TRRAP: variants seen among roughly 807,000 people sequenced by gnomAD.
TRRAP encodes transformation/transcription domain-associated protein.
Under a neutral mutation model 438.8 loss-of-function variants are expected in TRRAP, and 41 were observed. The observed-to-expected ratio is 0.09, with a 90% confidence interval of 0.07 to 0.12. The LOEUF (loss-of-function observed/expected upper bound fraction) is 0.12, where lower values mean the gene tolerates loss of function less well. TRRAP is among the 10% of genes least tolerant of loss of function. The pLI, the probability that TRRAP is intolerant of heterozygous loss-of-function variation, is 1.00. For synonymous variants in TRRAP, 1,994 were observed against 1,962.9 expected, an observed-to-expected ratio of 1.02 and a Z score of -0.42; for missense variants, 3,122 against 5,055.1, an observed-to-expected ratio of 0.62 and a Z score of 11.60.
chr7:98,985,870 C>A (rs1180890089), intron 62 of TRRAP, among the ~76,000 whole-genome samples: 1 of 152,202 alleles, frequency 6.6e-6, no homozygotes, highest in East Asian at 1.9e-4. Context: ...TGTTACACAA[C>A]CATTACCACT....
chr7:98,884,089 A>G (rs917236900), intron 3 of TRRAP, among the ~76,000 whole-genome samples: 1 of 152,148 alleles, frequency 6.6e-6, no homozygotes, highest in African/African-American at 2.4e-5. Flanking sequence ...GGTCTAGAAT[A>G]GGCCTTATTC....
intron 47 of TRRAP, among the ~76,000 whole-genome samples, chr7:98,964,251 A>T (rs1792054088): frequency 6.6e-6 from 1 of 152,176 alleles, no homozygotes; most frequent in Non-Finnish European, 1.5e-5. Flanking sequence ...ATTCAAAGAT[A>T]TTTGGCATGT....
chr7:98,950,206 T>G lies in TRRAP; in HGVS notation c.5278T>G (p.Phe1760Val). 2 of 1,614,254 alleles carry G rather than the reference T, an allele frequency of 1.2e-6. No homozygotes were observed. The highest frequency in any genetic ancestry group is 1.7e-6 in the Non-Finnish European group (2 of 1,180,044). The change falls in exon 38 of 73, where the codon TTC becomes GTC. Residue 1760 changes from phenylalanine (F) to valine (V), a missense_variant. Physicochemically the swap from Phe to Val is conservative, Grantham distance 50. Transcript: ENST00000456197. ...CAGCATCGCTCAGAAACGTGCCCTG[T>G]TCTTTCGCTTTGTAGACTTCAACGA... ...NYSIAQKRALFFRFVDFNDPN... is the reference protein window; with the variant it reads ...NYSIAQKRALVFRFVDFNDPN...
intron 70 of TRRAP, 64 bp from the exon 71 acceptor site, chr7:99,010,988 A>G (rs935338942): frequency 6.6e-7 from 1 of 1,512,930 alleles, no homozygotes; most frequent in African/African-American, 1.4e-5. Context: ...GCAATTTGAG[A>G]ATTTTTCTTT....
intron 30 of TRRAP, 130 bp downstream of exon 30, chr7:98,937,950 G>A (rs1254339193): frequency 6.7e-6 from 7 of 1,045,308 alleles, no homozygotes; most frequent in Non-Finnish European, 7.7e-6. Context: ...CGAGGTGGGT[G>A]GATCGCTTGC....
chr7:98,949,405 T>C lies in TRRAP; in HGVS notation c.4789-12T>C. ...TAGCTTAAAACGGCTTTTCTATTTGTTTTGCTTTCAGAGTTTTTTAAAACA... is the reference window on the plus strand; with the variant it reads ...TAGCTTAAAACGGCTTTTCTATTTGCTTTGCTTTCAGAGTTTTTTAAAACA... On this transcript the variant is annotated splice_polypyrimidine_tract_variant and intron_variant, in intron 35 of 72. Transcript: ENST00000456197. 1 of 1,518,544 alleles carries C rather than the reference T, an allele frequency of 6.6e-7. No individual in the cohort carries two copies. Among genetic ancestry groups the C allele is most frequent in the East Asian group, 2.3e-5 (1 of 42,658 alleles). 94.1% of individuals were successfully genotyped at this position (1,518,544 alleles called of 1,614,324 possible).
chr7:98,959,949 A>AG (rs1233193868), intron 45 of TRRAP, among the ~76,000 whole-genome samples: 4 of 149,912 alleles, frequency 2.7e-5, no homozygotes, highest in Admixed American at 6.7e-5. Context: ...AAAAAAAAAA[A>AG]AAAAAGAAAA....
chr7:98,947,600 C>T (rs1363999096), intron 33 of TRRAP, among the ~76,000 whole-genome samples: 1 of 152,160 alleles, frequency 6.6e-6, no homozygotes, highest in African/African-American at 2.4e-5. Context: ...GGACTACAGG[C>T]GCCCGCCACC....
At chr7:98,990,262 A>G (rs1211185423) in intron 63 of TRRAP, among the ~76,000 whole-genome samples, 193 bp from the exon 64 acceptor site, 2 of 152,194 alleles carry the variant, frequency 1.3e-5, no homozygotes, top group East Asian at 1.9e-4. Flanking sequence ...GAGAAAATCT[A>G]TTTTTAAATT....
At chr7:98,987,648 T>C (rs894640229) in intron 62 of TRRAP, among the ~76,000 whole-genome samples, 2 of 152,220 alleles carry the variant, frequency 1.3e-5, no homozygotes, top group African/African-American at 4.8e-5. Flanking sequence ...ACTGACATCT[T>C]CTCTTCCAAT....
At chr7:98,944,256 CTCAG>C (rs1186030984) in intron 31 of TRRAP, among the ~76,000 whole-genome samples, 16 of 151,912 alleles carry the variant, frequency 1.1e-4, no homozygotes, top group South Asian at 4.2e-4. Context: ...TTTTCTGGAA[CTCAG>C]TCAGTTCTAG....
At chr7:98,954,273 A>G (rs1223011056) in intron 40 of TRRAP, among the ~76,000 whole-genome samples, 1 of 152,246 alleles carries the variant, frequency 6.6e-6, no homozygotes, top group Non-Finnish European at 1.5e-5. Context: ...TCTTCCGCTC[A>G]CACGGTCCAT....
Position 98,882,029 on chromosome 7 carries a change from G to A in TRRAP, c.150+5G>A. The A allele has an allele frequency of 6.2e-7, 1 of 1,609,172 alleles. No homozygotes were observed. Among genetic ancestry groups the A allele is most frequent in the Non-Finnish European group, 8.5e-7 (1 of 1,178,448 alleles). On this transcript the variant is annotated splice_donor_5th_base_variant and intron_variant, in intron 3 of 72. Transcript: ENST00000456197. ...GAAGTTAGTGAAAATTTTGAGGTATGAGCATTATATTTTCTATTTTTCATT... is the reference window on the plus strand; with the variant it reads ...GAAGTTAGTGAAAATTTTGAGGTATAAGCATTATATTTTCTATTTTTCATT...
chr7:98,994,232 G>T lies in TRRAP; in HGVS notation c.10048-355G>T, dbSNP rs1302924209. Among the ~76,000 whole-genome samples the T allele has an allele frequency of 6.6e-6, 1 of 152,206 alleles. No individual in the cohort carries two copies. The highest frequency in any genetic ancestry group is 1.5e-5 in the Non-Finnish European group (1 of 68,030). ...GCTCCTTACTGCTGTGAAGTCTCGT[G>T]TGTGCACAGTGCACGCAGACACGCG... On this transcript the variant is annotated intron_variant, in intron 66 of 72. Transcript: ENST00000456197. This position sits in a 1 kb window ranked among gnomAD's most constrained non-coding sequence, Gnocchi z 4.8.
chr7:98,937,645 A>G lies in TRRAP; in HGVS notation c.4234-5A>G. The stretch of plus-strand genomic sequence containing the variant: ...TTTTTCTTTACAACTTTTCTTTTTT[A>G]ATAGTTTTTAGAAGGTGCTACCATA... On this transcript the variant is annotated splice_region_variant and splice_polypyrimidine_tract_variant and intron_variant, in intron 29 of 72. Transcript: ENST00000456197. The G allele has an allele frequency of 6.3e-7, 1 of 1,592,006 alleles. No homozygotes were observed.
intron 14 of TRRAP, among the ~76,000 whole-genome samples, chr7:98,909,557 T>G (rs1796963790): frequency 1.3e-5 from 2 of 152,170 alleles, no homozygotes; most frequent in Non-Finnish European, 2.9e-5. Context: ...TTAGGAGAGT[T>G]ATTTTCTGGG....
intron 19 of TRRAP, 52 bp downstream of exon 19, chr7:98,915,940 G>A: frequency 6.2e-7 from 1 of 1,604,316 alleles, no homozygotes; most frequent in Non-Finnish European, 8.5e-7. Flanking sequence ...ATGTAGTCAT[G>A]TGTCTAGCCA....
rs1234989007 is a variant in TRRAP at position 98,978,799 on chromosome 7, C to T, written c.8529C>T (p.Ala2843=). 5.0e-6 allele frequency: 8 copies of T among 1,614,214 alleles called. No homozygotes were observed. Among genetic ancestry groups the T allele is most frequent in the Non-Finnish European group, 6.8e-6 (8 of 1,180,050 alleles). ...CCAAGGAATTGAACCAGTGGGAAGC[C>T]CTGACGGAGTACGGTCAGTCCAAAG... ...RCSKELNQWE[A]LTEYGQSKGH... The change falls in exon 58 of 73, where the codon GCC becomes GCT. Residue 2843 remains alanine, a synonymous_variant. Transcript: ENST00000456197.
intron 50 of TRRAP, 89 bp downstream of exon 50, chr7:98,967,251 T>C (rs1468325971): frequency 2.7e-6 from 4 of 1,496,350 alleles, no homozygotes; most frequent in Non-Finnish European, 3.6e-6. Flanking sequence ...TTTTAATCTT[T>C]TACTCATACC....
Sources: gnomAD v4.1 joint callset for allele counts (sites outside exome capture counted in the v4.1 genomes callset) on GRCh38, gnomAD v4.1.1 for gene constraint, Gnocchi (gnomAD v3.1) non-coding constraint, MANE v1.5 for transcripts, NCBI Gene and HGNC (gene_info 2026-07-23, HGNC 2026-07-21) for gene names.